GNS: variants seen among roughly 807,000 people sequenced by gnomAD.
The protein encoded by GNS is glucosamine (N-acetyl)-6-sulfatase.
A neutral mutation model predicts 69.7 loss-of-function variants in GNS; 40 were observed. That is an observed-to-expected ratio of 0.57 (90% confidence interval 0.45 to 0.75). The LOEUF (loss-of-function observed/expected upper bound fraction) is 0.75. Among genes scored for constraint, GNS ranks in the 30% least tolerant of loss-of-function variants. The pLI is 0.00. For synonymous variants in GNS, 243 were observed against 251.6 expected (o/e 0.97, Z 0.32); for missense variants, 565 against 685.5 (o/e 0.82, Z 1.96).
intron 1 of GNS, among the ~76,000 whole-genome samples, chr12:64,754,070 T>C (rs569945905): frequency 2.6e-5 from 4 of 152,328 alleles, no homozygotes; most frequent in Admixed American, 2.6e-4. Context: ...GTCTGATAAA[T>C]ATGTAAAATT....
intron 8 of GNS, among the ~76,000 whole-genome samples, chr12:64,739,156 C>G (rs1238478955): frequency 6.6e-6 from 1 of 152,144 alleles, no homozygotes; most frequent in East Asian, 1.9e-4. Flanking sequence ...TGCTCCCACT[C>G]CTAGAACACC....
At chr12:64,726,301 G>C (rs1390061043) in intron 10 of GNS, among the ~76,000 whole-genome samples, 1 of 150,730 alleles carries the variant, frequency 6.6e-6, no homozygotes, top group South Asian at 2.1e-4. Flanking sequence ...CAGATTCGTG[G>C]AGCAAAAAAA....
chr12:64,733,022 C>G (rs1869452575), intron 9 of GNS, among the ~76,000 whole-genome samples: 1 of 151,996 alleles, frequency 6.6e-6, no homozygotes, highest in African/African-American at 2.4e-5. Context: ...GCTGTGGTGG[C>G]TCATGCCTGT....
At chr12:64,759,008 G>A (rs1870374581) in intron 1 of GNS, 77 bp downstream of exon 1, 4 of 1,225,204 alleles carry the variant, frequency 3.3e-6, no homozygotes, top group Non-Finnish European at 4.7e-6. Flanking sequence ...GGAGGGTGGT[G>A]GGGACCGGGA....
chr12:64,748,648 A>G (rs1200308752), intron 2 of GNS, among the ~76,000 whole-genome samples: 1 of 152,082 alleles, frequency 6.6e-6, no homozygotes, highest in Non-Finnish European at 1.5e-5. Context: ...TTCCTATATC[A>G]TTTTATACAC....
chr12:64,757,716 A>T (rs1261781831), intron 1 of GNS, among the ~76,000 whole-genome samples: 1 of 152,224 alleles, frequency 6.6e-6, no homozygotes, highest in African/African-American at 2.4e-5. Context: ...AGTGTAACAC[A>T]CACACTCACA....
chr12:64,719,930 A>G (rs933792128), intron 13 of GNS, 92 bp downstream of exon 13: 2 of 829,082 alleles, frequency 2.4e-6, no homozygotes, highest in African/African-American at 3.3e-5. Context: ...AAGAATCATC[A>G]TCTCACAGCA....
chr12:64,731,929 T>C (rs1869403637), intron 9 of GNS, among the ~76,000 whole-genome samples: 1 of 152,056 alleles, frequency 6.6e-6, no homozygotes, highest in Admixed American at 6.6e-5. Flanking sequence ...AGCACCTATC[T>C]CAAACAAACA....
chr12:64,731,447 T>G (rs769165266), intron 9 of GNS, among the ~76,000 whole-genome samples: 2 of 152,140 alleles, frequency 1.3e-5, no homozygotes, highest in Non-Finnish European at 2.9e-5. Context: ...CCAAAGTCAC[T>G]AAGATTCAGC....
chr12:64,726,941 C>A, intron 10 of GNS, among the ~76,000 whole-genome samples: 1 of 145,738 alleles, frequency 6.9e-6, no homozygotes. Flanking sequence ...AAAAAAAAAA[C>A]TGGGCAAAGG....
At chr12:64,745,492 T>A (rs755485374) in intron 4 of GNS, among the ~76,000 whole-genome samples, 167 bp downstream of exon 4, 6 of 152,144 alleles carry the variant, frequency 3.9e-5, no homozygotes, top group Non-Finnish European at 8.8e-5. Flanking sequence ...AGTGTTGGGA[T>A]TCTAGGCGTG....
intron 10 of GNS, among the ~76,000 whole-genome samples, chr12:64,723,619 C>T (rs544004873): frequency 5.8e-4 from 88 of 152,222 alleles, no homozygotes; most frequent in Non-Finnish European, 1.1e-3. Flanking sequence ...TACATTAATT[C>T]ACTCACTTTT....
In GNS at chr12:64,759,236, C is replaced by A; in HGVS notation, c.41G>T (p.Gly14Val). 1 of 1,543,298 alleles carries A rather than the reference C, an allele frequency of 6.5e-7. No individual in the cohort carries two copies. The highest frequency in any genetic ancestry group is 8.7e-7 in the Non-Finnish European group (1 of 1,143,764). Reference sequence around the variant, plus strand: ...GCAGGAGGGCAGGTGGCGGGGGCTGCCCCGCCGGAGCCGACCTGGGGCTAG... The same window carrying A: ...GCAGGAGGGCAGGTGGCGGGGGCTGACCCGCCGGAGCCGACCTGGGGCTAG... ...LPLAPGRLRR[G>V]SPRHLPSCSP... Residue 14 changes from glycine (G) to valine (V), a missense_variant, in exon 1 of 14, where the codon GGC becomes GTC. Gly to Val is a moderately radical substitution (Grantham distance 109). This residue lies in a region of GNS where 181 missense variants were observed against 174.4 expected (regional missense o/e 1.04). Coordinates refer to ENST00000258145, the MANE Select transcript of GNS (RefSeq NM_002076.4).
At chr12:64,727,899 A>G (rs1430654033) in intron 10 of GNS, among the ~76,000 whole-genome samples, 1 of 152,144 alleles carries the variant, frequency 6.6e-6, no homozygotes, top group Non-Finnish European at 1.5e-5. Flanking sequence ...ACCAACAACT[A>G]TTGAATTGGA....
intron 11 of GNS, 89 bp downstream of exon 11, chr12:64,722,917 A>T: frequency 1.2e-6 from 1 of 815,514 alleles, no homozygotes; most frequent in Non-Finnish European, 2.2e-6. Flanking sequence ...GACTCAGATG[A>T]AAGGTTTCAA....
chr12:64,752,780 A>T (rs1399122386), intron 1 of GNS, 23 bp from the exon 2 acceptor site: 2 of 1,190,068 alleles, frequency 1.7e-6, no homozygotes, highest in Non-Finnish European at 2.5e-6. Flanking sequence ...GTAATTATCC[A>T]TTAAACAATT....
At chr12:64,737,635 T>A (rs550422488) in intron 8 of GNS, among the ~76,000 whole-genome samples, 8 of 152,138 alleles carry the variant, frequency 5.3e-5, no homozygotes, top group Admixed American at 1.3e-4. Context: ...CAATCATCAA[T>A]GGAACAACAG....
intron 8 of GNS, 66 bp downstream of exon 8, chr12:64,739,315 C>T (rs781415953): frequency 2.1e-4 from 183 of 870,838 alleles, no homozygotes; most frequent in Non-Finnish European, 3.1e-4. Flanking sequence ...CCTCCCAGGG[C>T]TCATTGGGTG....
chr12:64,733,249 G>A (rs1489773239), intron 9 of GNS, among the ~76,000 whole-genome samples: 1 of 119,836 alleles, frequency 8.3e-6, no homozygotes, highest in South Asian at 2.9e-4. Flanking sequence ...AGTGAGCCAA[G>A]ATTGTGCCAC....
Sources: allele counts gnomAD v4.1 joint callset (sites outside exome capture counted in the v4.1 genomes callset), GRCh38; gene constraint gnomAD v4.1.1; regional missense constraint gnomAD v4.1.1; transcripts MANE v1.5; gene names NCBI Gene and HGNC (gene_info 2026-07-23, HGNC 2026-07-21).